DNAAF9: variants seen among roughly 807,000 people sequenced by gnomAD.
DNAAF9 encodes the protein shulin.
DNAAF9 carries 90 observed loss-of-function variants against 167.0 expected under a neutral mutation model. The observed-to-expected ratio is 0.54, with a 90% confidence interval of 0.45 to 0.64. The LOEUF is 0.64. DNAAF9 is among the 30% of genes least tolerant of loss of function. The pLI is 0.00. For missense variants in DNAAF9, 1,315 were observed against 1,442.2 expected (o/e 0.91, Z 1.43); for synonymous variants, 491 against 508.8 (o/e 0.96, Z 0.47).
chr20:3,305,979 C>T (rs955162046), intron 20 of DNAAF9, among the ~76,000 whole-genome samples: 2 of 152,176 alleles, frequency 1.3e-5, no homozygotes, highest in African/African-American at 4.8e-5. Flanking sequence ...CCTAAAGTTC[C>T]TCCATGCTGC....
intron 30 of DNAAF9, among the ~76,000 whole-genome samples, chr20:3,267,288 TC>T (rs2068507530): frequency 6.6e-6 from 1 of 152,182 alleles, no homozygotes; most frequent in African/African-American, 2.4e-5. Flanking sequence ...TTAAGCTACT[TC>T]CCATATCCTT....
In DNAAF9 at chr20:3,251,245, C is replaced by T. The variant is rs1299848605; in HGVS notation, c.*1327G>A. ...ACCAGGCACACAGACTACATGTGCTCCATCTTGTCTCTCCGCTGCTCCAGG... is the reference window on the plus strand; with the variant it reads ...ACCAGGCACACAGACTACATGTGCTTCATCTTGTCTCTCCGCTGCTCCAGG... On this transcript the variant is annotated 3_prime_UTR_variant, in exon 37 of 37. Coordinates refer to ENST00000252032, the MANE Select transcript of DNAAF9 (RefSeq NM_001009984.3). 1 of 151,722 alleles carries T rather than the reference C, an allele frequency of 6.6e-6. No homozygotes were observed. Among genetic ancestry groups the T allele is most frequent in the Non-Finnish European group, 1.5e-5 (1 of 68,000 alleles). The allele number at this position is 151,722 out of a possible 1,614,324, so 9.4% of individuals were successfully genotyped here.
rs141644707 is a variant in DNAAF9 at position 3,400,585 on chromosome 20, C to T, written c.83+6890G>A. Among the ~76,000 whole-genome samples, 247 of 152,032 alleles carry T rather than the reference C, an allele frequency of 1.6e-3. 5 individuals are homozygous for T. The East Asian group carries it at 0.042, about 26-fold the overall frequency. On this transcript the variant is annotated intron_variant, in intron 1 of 36. Transcript: ENST00000252032. Reference sequence around the variant, plus strand: ...TTTTCTTCAAACCAGAGCTAAAAATCACAGATAACAATTTTAAATATCCAA... The same window carrying T: ...TTTTCTTCAAACCAGAGCTAAAAATTACAGATAACAATTTTAAATATCCAA...
chr20:3,336,420 T>TC (rs1206134232), intron 10 of DNAAF9, among the ~76,000 whole-genome samples: 1 of 151,928 alleles, frequency 6.6e-6, no homozygotes, highest in Non-Finnish European at 1.5e-5. Context: ...TTCAGTTTTT[T>TC]TTTTCAGTCT....
chr20:3,282,717 C>T (rs1325761460), intron 27 of DNAAF9, among the ~76,000 whole-genome samples: 1 of 152,178 alleles, frequency 6.6e-6, no homozygotes, highest in Admixed American at 6.5e-5. Context: ...GGTCTCCTGG[C>T]TCTTTTCTGA....
At chr20:3,322,314 T>G in intron 15 of DNAAF9, 52 bp from the exon 16 acceptor site, 2 of 1,381,146 alleles carry the variant, frequency 1.4e-6, no homozygotes, top group Non-Finnish European at 2.1e-6. Context: ...TAAGTGTACT[T>G]AAATTTACAG....
In DNAAF9 at chr20:3,259,857, A is replaced by T. The variant is rs908353918; in HGVS notation, c.2980+65T>A. On this transcript the variant is annotated intron_variant, in intron 32 of 36. Coordinates refer to ENST00000252032, the MANE Select transcript of DNAAF9 (RefSeq NM_001009984.3). Reference sequence around the variant, plus strand: ...GCACATAGAATACTGAAATGGTACCAGGAGGCAGAATTAACTCTGGGACAC... The same window carrying T: ...GCACATAGAATACTGAAATGGTACCTGGAGGCAGAATTAACTCTGGGACAC... 5 of 916,864 alleles carry T rather than the reference A, an allele frequency of 5.5e-6. No individual in the cohort carries two copies. In the Middle Eastern group the frequency reaches 8.4e-4, roughly 155 times the overall value. The allele number at this position is 916,864 out of a possible 1,614,324, so 56.8% of individuals were successfully genotyped here.
intron 10 of DNAAF9, among the ~76,000 whole-genome samples, chr20:3,338,756 G>A (rs1368712555): frequency 6.6e-6 from 1 of 150,408 alleles, no homozygotes; most frequent in Non-Finnish European, 1.5e-5. Flanking sequence ...GGGTTCAAGC[G>A]ATTCTCCCAC....
intron 4 of DNAAF9, 37 bp downstream of exon 4, chr20:3,376,141 A>C (rs1408541421): frequency 4.4e-6 from 7 of 1,590,918 alleles, no homozygotes; most frequent in Non-Finnish European, 6.0e-6. Context: ...GTATTCTTAG[A>C]GTGTCTCTAG....
In DNAAF9 at chr20:3,322,671, C is replaced by T. The variant is rs746787614; in HGVS notation, c.1291G>A (p.Ala431Thr). 1 of 1,613,060 alleles carries T rather than the reference C, an allele frequency of 6.2e-7. No individual in the cohort carries two copies. The highest frequency in any genetic ancestry group is 1.1e-5 in the South Asian group (1 of 91,062). Residue 431 changes from alanine to threonine, a missense_variant, in exon 15 of 37, where the codon GCT becomes ACT. By Grantham distance (58) the Ala-to-Thr change is moderately conservative. Coordinates refer to ENST00000252032, the MANE Select transcript of DNAAF9 (RefSeq NM_001009984.3). ...LRSKMTFHIH[A>T]VNNQGRIVPL... Reference sequence around the variant, plus strand: ...ACGCACCTTCCCTGATTATTCACAGCATGTATATGAAAAGTCATCTTGGAG... The same window carrying T: ...ACGCACCTTCCCTGATTATTCACAGTATGTATATGAAAAGTCATCTTGGAG...
intron 27 of DNAAF9, among the ~76,000 whole-genome samples, chr20:3,284,106 G>A (rs182473780): frequency 2.6e-5 from 4 of 151,582 alleles, no homozygotes; most frequent in Admixed American, 2.0e-4. Flanking sequence ...ATCATCCTGG[G>A]TGAGGCCTCC....
intron 29 of DNAAF9, among the ~76,000 whole-genome samples, chr20:3,272,216 T>C (rs1021747622): frequency 1.3e-5 from 2 of 152,196 alleles, no homozygotes; most frequent in Admixed American, 1.3e-4. Flanking sequence ...CTCTGTCTTA[T>C]AAATGTTTTC....
intron 16 of DNAAF9, 95 bp downstream of exon 16, chr20:3,322,122 G>T: frequency 1.2e-6 from 1 of 820,892 alleles, no homozygotes; most frequent in Non-Finnish European, 2.1e-6. Flanking sequence ...GGTGGGGTGG[G>T]CTGCCCAAGA....
In DNAAF9 at chr20:3,249,581, G is replaced by C. The variant is rs1378662678; in HGVS notation, c.*2991C>G. 2.6e-5 allele frequency: 4 copies of C among 152,146 alleles called. No individual in the cohort carries two copies. The highest frequency in any genetic ancestry group is 5.9e-5 in the Non-Finnish European group (4 of 68,024). The allele number at this position is 152,146 out of a possible 1,614,324, so 9.4% of individuals were successfully genotyped here. ...AAAGCACTGAAAAACTAGTATAAAA[G>C]TGAATTTTGGCACGTAAGTGAGCTC... is the stretch of plus-strand genomic sequence containing the variant. On this transcript the variant is annotated 3_prime_UTR_variant, in exon 37 of 37. Coordinates refer to ENST00000252032, the MANE Select transcript of DNAAF9 (RefSeq NM_001009984.3).
At chr20:3,253,244 C>A (rs899974252) in intron 36 of DNAAF9, among the ~76,000 whole-genome samples, 4 of 152,194 alleles carry the variant, frequency 2.6e-5, no homozygotes, top group Non-Finnish European at 5.9e-5. Context: ...GCGTTTGAGA[C>A]CAGCCTGACC....
intron 6 of DNAAF9, among the ~76,000 whole-genome samples, chr20:3,367,102 C>G (rs965125102): frequency 6.6e-6 from 1 of 152,244 alleles, no homozygotes; most frequent in African/African-American, 2.4e-5. Context: ...TACATCAGCA[C>G]TTACTGCTTC....
chr20:3,392,941 T>A (rs112567541), intron 1 of DNAAF9, among the ~76,000 whole-genome samples: 1 of 152,240 alleles, frequency 6.6e-6, no homozygotes, highest in Non-Finnish European at 1.5e-5. Context: ...CAATTTGGTA[T>A]GCAACTCTCA....
intron 29 of DNAAF9, among the ~76,000 whole-genome samples, chr20:3,277,592 A>T (rs760067447): frequency 5.9e-5 from 9 of 151,920 alleles, no homozygotes; most frequent in Non-Finnish European, 1.0e-4. Context: ...GAAACCTAGG[A>T]GTCATCCTAG....
chr20:3,256,512 G>T (rs970499895), intron 33 of DNAAF9, among the ~76,000 whole-genome samples: 2 of 151,984 alleles, frequency 1.3e-5, no homozygotes, highest in African/African-American at 4.8e-5. Flanking sequence ...ATCCCATTTT[G>T]TTTTGTTTTT....
Sources: allele counts gnomAD v4.1 joint callset (sites outside exome capture counted in the v4.1 genomes callset), GRCh38; gene constraint gnomAD v4.1.1; transcripts MANE v1.5; gene names NCBI Gene and HGNC (gene_info 2026-07-23, HGNC 2026-07-21).